Variants in FBXO42 observed in about 807,000 individuals in gnomAD.
FBXO42 encodes the protein F-box protein 42, also known as F-box only protein 42.
A neutral mutation model predicts 71.7 loss-of-function variants in FBXO42; 12 were observed. That is an observed-to-expected ratio of 0.17 (90% CI 0.11 to 0.27). The LOEUF (loss-of-function observed/expected upper bound fraction) is 0.27. Among genes scored for constraint, FBXO42 ranks in the 10% least tolerant of loss-of-function variants. The pLI is 1.00. For synonymous variants in FBXO42, 325 were observed against 327.5 expected (o/e 0.99, Z 0.08); for missense variants, 707 against 911.9 (o/e 0.78, Z 2.89).
rs116415686 is a variant in FBXO42 at position 16,327,061 on chromosome 1, T to G, written c.-17-11626A>C. Among the ~76,000 whole-genome samples the G allele has an allele frequency of 2.0e-5, 3 of 152,278 alleles. No individual in the cohort carries two copies. The East Asian group carries it at 5.8e-4, about 29-fold the overall frequency. On this transcript the variant is annotated intron_variant, in intron 1 of 9. Coordinates refer to ENST00000375592, the MANE Select transcript of FBXO42 (RefSeq NM_018994.3). ...TAACTTCCTTTTTTCCCCATTAGAGTGTACACTACTTGAGAGCAGAGACTA... is the reference window on the plus strand; with the variant it reads ...TAACTTCCTTTTTTCCCCATTAGAGGGTACACTACTTGAGAGCAGAGACTA...
chr1:16,272,089 A>G (rs1372494325), intron 4 of FBXO42, among the ~76,000 whole-genome samples: 9 of 131,500 alleles, frequency 6.8e-5, no homozygotes, highest in Non-Finnish European at 1.3e-4. Context: ...TGGGAGGCGG[A>G]GGTTGCAGTG....
At chr1:16,269,107 C>CTTTTT (rs111496206) in intron 4 of FBXO42, among the ~76,000 whole-genome samples, 1 of 132,990 alleles carries the variant, frequency 7.5e-6, no homozygotes. Context: ...CCGCACCTGG[C>CTTTTT]TTTTTTTTTT....
chr1:16,329,553 C>T lies in FBXO42; in HGVS notation c.-17-14118G>A, dbSNP rs527254701. 1.2e-4 allele frequency among the ~76,000 whole-genome samples: 18 copies of T among 151,740 alleles called. No individual in the cohort carries two copies. In the East Asian group the frequency reaches 3.5e-3, roughly 29 times the overall value. Reference sequence around the variant, plus strand: ...GAGCCAAGATCGCACCACTGCACTCCAGCCTGGGAGACAGAGAGAGACTCC... The same window carrying T: ...GAGCCAAGATCGCACCACTGCACTCTAGCCTGGGAGACAGAGAGAGACTCC... On this transcript the variant is annotated intron_variant, in intron 1 of 9. Coordinates refer to ENST00000375592, the MANE Select transcript of FBXO42 (RefSeq NM_018994.3).
chr1:16,315,531 AC>A, intron 1 of FBXO42, 96 bp from the exon 2 acceptor site: 2 of 1,276,140 alleles, frequency 1.6e-6, no homozygotes, highest in Non-Finnish European at 2.1e-6. Flanking sequence ...TTTCGTTTCC[AC>A]TCTCAGTGTG....
chr1:16,307,051 C>T (rs1394987644), intron 2 of FBXO42, among the ~76,000 whole-genome samples: 1 of 152,088 alleles, frequency 6.6e-6, no homozygotes, highest in East Asian at 1.9e-4. Flanking sequence ...ATCACCATGC[C>T]CAGCTAATTT....
At position 16,294,915 on chromosome 1, in the gene FBXO42, C is replaced by T. The variant is rs1165075519; in HGVS notation, c.370G>A (p.Ala124Thr). Residue 124 changes from alanine to threonine, a missense_variant and splice_region_variant, in exon 4 of 10, where the codon GCA (alanine) becomes ACA (threonine). Around this residue, in one of 5 missense-constraint regions of FBXO42, gnomAD observed 188 missense variants for 230.5 expected, o/e 0.82. Coordinates refer to ENST00000375592, the MANE Select transcript of FBXO42 (RefSeq NM_018994.3). ...GACTGATTAGCATCATAATAGCATG[C>T]ACCTAGAAAGAAAATACACAAATAA... The part of the protein sequence containing the change: ...TPITQRFSHS[A>T]CYYDANQSMY... The T allele has an allele frequency of 5.0e-6, 8 of 1,593,600 alleles. No homozygotes were observed. The highest frequency in any genetic ancestry group is 6.0e-6 in the Non-Finnish European group (7 of 1,170,198).
intron 4 of FBXO42, among the ~76,000 whole-genome samples, chr1:16,272,532 T>G (rs1017590365): frequency 1.3e-5 from 2 of 152,134 alleles, no homozygotes; most frequent in Non-Finnish European, 2.9e-5. Context: ...GTGCTGGGAT[T>G]ACAGGCGTGA....
At chr1:16,318,015 G>A (rs1215494467) in intron 1 of FBXO42, among the ~76,000 whole-genome samples, 1 of 152,094 alleles carries the variant, frequency 6.6e-6, no homozygotes, top group Non-Finnish European at 1.5e-5. Flanking sequence ...TACAAGTGAG[G>A]TATCTGAGGT....
chr1:16,315,896 C>T (rs2082358426), intron 1 of FBXO42, among the ~76,000 whole-genome samples: 1 of 152,080 alleles, frequency 6.6e-6, no homozygotes, highest in Non-Finnish European at 1.5e-5. Flanking sequence ...TTCGACCAGG[C>T]ATGGTGGCTC....
intron 4 of FBXO42, among the ~76,000 whole-genome samples, chr1:16,268,240 G>A (rs1179878784): frequency 6.6e-6 from 1 of 152,166 alleles, no homozygotes; most frequent in Non-Finnish European, 1.5e-5. Context: ...TCAGCCCTGA[G>A]AGTGAGCCAA....
At chr1:16,273,501 C>T (rs1450201458) in intron 4 of FBXO42, among the ~76,000 whole-genome samples, 1 of 151,622 alleles carries the variant, frequency 6.6e-6, no homozygotes, top group Non-Finnish European at 1.5e-5. Flanking sequence ...CATATATCCA[C>T]TGAAAAGTAC....
intron 7 of FBXO42, 25 bp from the exon 8 acceptor site, chr1:16,253,177 T>C: frequency 6.2e-7 from 1 of 1,606,994 alleles, no homozygotes; most frequent in South Asian, 1.1e-5. Context: ...ACATTGAAAA[T>C]AAACCTACAA....
chr1:16,310,164 AG>A (rs1557596168), intron 2 of FBXO42, among the ~76,000 whole-genome samples: 4 of 149,564 alleles, frequency 2.7e-5, no homozygotes, highest in Non-Finnish European at 5.9e-5. Flanking sequence ...ACTGCACTCC[AG>A]CCTGGGCAAC....
intron 1 of FBXO42, among the ~76,000 whole-genome samples, chr1:16,345,587 C>T (rs965723021): frequency 2.6e-5 from 4 of 151,968 alleles, no homozygotes; most frequent in East Asian, 3.9e-4. Flanking sequence ...CGGTGGCTCA[C>T]GCCTGTAATC....
intron 4 of FBXO42, among the ~76,000 whole-genome samples, chr1:16,270,047 G>C (rs58158339): frequency 0.3 from 45,000 of 151,702 alleles, 8,131 homozygotes; most frequent in East Asian, 0.66. Flanking sequence ...GTATAGACAG[G>C]GTTTCATCAT....
intron 4 of FBXO42, among the ~76,000 whole-genome samples, chr1:16,258,344 TA>T (rs1318885650): frequency 2.7e-5 from 4 of 149,796 alleles, no homozygotes; most frequent in Admixed American, 2.7e-4. Context: ...TGGCATCAGC[TA>T]TTTTTCATTT....
At chr1:16,334,439 A>C (rs1188806732) in intron 1 of FBXO42, among the ~76,000 whole-genome samples, 1 of 151,670 alleles carries the variant, frequency 6.6e-6, no homozygotes, top group Non-Finnish European at 1.5e-5. Flanking sequence ...AAAAAAAAAA[A>C]ACAGACTGAT....
intron 4 of FBXO42, among the ~76,000 whole-genome samples, chr1:16,287,743 C>A (rs1278861997): frequency 6.6e-6 from 1 of 152,096 alleles, no homozygotes; most frequent in Non-Finnish European, 1.5e-5. Flanking sequence ...AGCCACTGTG[C>A]CTGGCCTGTG....
chr1:16,265,741 C>A (rs74458954), intron 4 of FBXO42, among the ~76,000 whole-genome samples: 1,618 of 151,260 alleles, frequency 0.011, 30 homozygotes, highest in African/African-American at 0.038. Flanking sequence ...AAGAGTTAAT[C>A]CCTTGTCCTT....
Sources: allele counts gnomAD v4.1 joint callset (sites outside exome capture counted in the v4.1 genomes callset), GRCh38; gene constraint gnomAD v4.1.1; regional missense constraint gnomAD v4.1.1; transcripts MANE v1.5; gene names NCBI Gene and HGNC (gene_info 2026-07-23, HGNC 2026-07-21).